MYO1E: variants seen among roughly 807,000 people sequenced by gnomAD.
MYO1E encodes the protein unconventional myosin-Ie.
In MYO1E, 68 loss-of-function variants were observed where a neutral mutation model predicts 151.1. The ratio of observed to expected loss-of-function variants is 0.45; its 90% CI spans 0.37 to 0.55. The LOEUF is 0.55. MYO1E is among the 20% of genes least tolerant of loss of function. The pLI is 0.00. For missense variants in MYO1E, 1,363 were observed against 1,389.3 expected, an observed-to-expected ratio of 0.98 and a Z score of 0.30; for synonymous variants, 601 against 501.7, an observed-to-expected ratio of 1.20 and a Z score of -2.64.
chr15:59,158,824 G>A (rs568207401), intron 24 of MYO1E, among the ~76,000 whole-genome samples: 9 of 152,208 alleles, frequency 5.9e-5, no homozygotes, highest in Admixed American at 2.6e-4. Context: ...CGCCTTGCAC[G>A]CAAGAGTGTG....
At chr15:59,207,835 T>C in intron 14 of MYO1E, 3 of 1,614,232 alleles carry the variant, frequency 1.9e-6, no homozygotes, top group South Asian at 1.1e-5. Context: ...TTATACTTCT[T>C]GGGCCATTGG....
At chr15:59,268,074 A>C (rs1362406715) in intron 2 of MYO1E, among the ~76,000 whole-genome samples, 1 of 152,222 alleles carries the variant, frequency 6.6e-6, no homozygotes, top group Non-Finnish European at 1.5e-5. Flanking sequence ...TCAATGTGAA[A>C]TCAAGTCTCT....
intron 1 of MYO1E, among the ~76,000 whole-genome samples, chr15:59,283,139 C>T (rs1193142165): frequency 1.3e-5 from 2 of 151,060 alleles, no homozygotes; most frequent in Admixed American, 1.3e-4. Context: ...GGTCTGGAAC[C>T]CCTCAAGGTA....
intron 22 of MYO1E, among the ~76,000 whole-genome samples, chr15:59,170,599 A>C (rs1400138603): frequency 1.3e-5 from 2 of 149,320 alleles, no homozygotes; most frequent in Non-Finnish European, 3.0e-5. Context: ...AAAAAAAAAC[A>C]AAAAAAACAA....
chr15:59,186,677 AG>A (rs1228988774), intron 18 of MYO1E, among the ~76,000 whole-genome samples: 1 of 152,230 alleles, frequency 6.6e-6, no homozygotes, highest in African/African-American at 2.4e-5. Flanking sequence ...GCTTGAGCCC[AG>A]GAGTTCAAAG....
At chr15:59,362,602 A>G (rs1200109674) in intron 1 of MYO1E, among the ~76,000 whole-genome samples, 2 of 152,248 alleles carry the variant, frequency 1.3e-5, no homozygotes, top group African/African-American at 4.8e-5. Context: ...GAAGGAAGCT[A>G]TCTTTACTTA....
At chr15:59,230,790 GAAAAT>G (rs2080023302) in intron 6 of MYO1E, among the ~76,000 whole-genome samples, 2 of 152,188 alleles carry the variant, frequency 1.3e-5, no homozygotes, top group African/African-American at 4.8e-5. Context: ...CAGTGGAAAA[GAAAAT>G]TGTTTTTCTC....
chr15:59,172,959 C>A (rs1309520732), intron 21 of MYO1E, among the ~76,000 whole-genome samples: 1 of 152,186 alleles, frequency 6.6e-6, no homozygotes, highest in Non-Finnish European at 1.5e-5. Flanking sequence ...TTGTTTATTT[C>A]GTTAAATTTT....
intron 4 of MYO1E, among the ~76,000 whole-genome samples, chr15:59,254,331 G>A (rs559136678): frequency 1.1e-4 from 16 of 152,172 alleles, no homozygotes; most frequent in Non-Finnish European, 2.1e-4. Flanking sequence ...AGGGCTACAG[G>A]TGTGCACCAC....
At chr15:59,243,699 T>C (rs1261925143) in intron 4 of MYO1E, among the ~76,000 whole-genome samples, 1 of 152,174 alleles carries the variant, frequency 6.6e-6, no homozygotes, top group Non-Finnish European at 1.5e-5. Context: ...TAGCTACTCC[T>C]GAGTCTTTAC....
chr15:59,338,984 T>C (rs562754548), intron 1 of MYO1E, among the ~76,000 whole-genome samples: 55 of 152,230 alleles, frequency 3.6e-4, no homozygotes, highest in Non-Finnish European at 7.4e-4. Context: ...ATACAAAAAT[T>C]AGCCAGGCGT....
intron 7 of MYO1E, among the ~76,000 whole-genome samples, chr15:59,226,299 G>C (rs562218055): frequency 1.3e-5 from 2 of 152,276 alleles, no homozygotes; most frequent in African/African-American, 4.8e-5. Context: ...TTGAATGTGA[G>C]CTACTTCCAC....
chr15:59,215,351 A>G (rs971560276), intron 10 of MYO1E, among the ~76,000 whole-genome samples: 1 of 152,216 alleles, frequency 6.6e-6, no homozygotes, highest in Non-Finnish European at 1.5e-5. Flanking sequence ...TCAAAATGGC[A>G]GTGATACCAT....
intron 1 of MYO1E, among the ~76,000 whole-genome samples, chr15:59,349,367 C>A (rs2080811400): frequency 6.6e-6 from 1 of 152,026 alleles, no homozygotes; most frequent in African/African-American, 2.4e-5. Context: ...GGCTGTGATT[C>A]CTCTAGCTCA....
At position 59,268,720 on chromosome 15, in the gene MYO1E, A is replaced by ATTTTTTTTTTTTTTT. The variant is rs398027512; in HGVS notation, c.147+3571_147+3585dup. ...GTGATGGGTTCTGGGTGACTTTGGT[A>ATTTTTTTTTTTTTTT]TTTTTTTTTTTTTTTTTTTTTGCTT... is the stretch of plus-strand genomic sequence containing the variant. On this transcript the variant is annotated intron_variant, in intron 2 of 27. Coordinates refer to ENST00000288235, the MANE Select transcript of MYO1E (RefSeq NM_004998.4). 1.2e-3 allele frequency among the ~76,000 whole-genome samples: 53 copies of ATTTTTTTTTTTTTTT among 44,910 alleles called. 13 individuals carry two copies. Among genetic ancestry groups the ATTTTTTTTTTTTTTT allele is most frequent in the African/African-American group, 1.6e-3 (27 of 17,238 alleles). 29.5% of individuals were successfully genotyped at this position (44,910 alleles called of 152,430 possible). A position where few individuals can be genotyped will look rare whatever the true frequency, so the allele number is the denominator to read the frequency against.
At chr15:59,208,544 G>T in intron 14 of MYO1E, 137 bp downstream of exon 14, 2 of 1,089,816 alleles carry the variant, frequency 1.8e-6, no homozygotes, top group Non-Finnish European at 2.8e-6. Context: ...CTTTTGTTTT[G>T]CTTCCTTTGA....
At chr15:59,144,312 G>A (rs1054850280) in intron 26 of MYO1E, among the ~76,000 whole-genome samples, 6 of 151,746 alleles carry the variant, frequency 4.0e-5, no homozygotes, top group South Asian at 2.1e-4. Context: ...GATTACAGGC[G>A]CCCACCACCA....
Position 59,224,828 on chromosome 15 carries a change from A to G in MYO1E, c.643-5T>C, listed in dbSNP as rs1441279985. The G allele has an allele frequency of 6.2e-7, 1 of 1,614,208 alleles. No homozygotes were observed. The highest frequency in any genetic ancestry group is 1.7e-4 in the Middle Eastern group (1 of 6,050). ...TGCAGAGGCGCCCTCGATGAGCTGG[A>G]GCAAGAGAACACAGGTTGAGCCATG... On this transcript the variant is annotated splice_region_variant and splice_polypyrimidine_tract_variant and intron_variant, in intron 7 of 27. Coordinates refer to ENST00000288235, the MANE Select transcript of MYO1E (RefSeq NM_004998.4).
chr15:59,301,859 T>C (rs1276806197), intron 1 of MYO1E, among the ~76,000 whole-genome samples: 3 of 152,224 alleles, frequency 2.0e-5, no homozygotes, highest in African/African-American at 7.2e-5. Flanking sequence ...CCTGAAGATG[T>C]CATATCAATG....
Sources: allele counts gnomAD v4.1 joint callset (sites outside exome capture counted in the v4.1 genomes callset), GRCh38; gene constraint gnomAD v4.1.1; transcripts MANE v1.5; gene names NCBI Gene and HGNC (gene_info 2026-07-23, HGNC 2026-07-21).